The following ERBB4 variants were observed in gnomAD, a reference collection of about 807,000 sequenced individuals.
ERBB4 encodes erb-b2 receptor tyrosine kinase 4.
In ERBB4, 42 loss-of-function variants were observed where a neutral mutation model predicts 158.0. The observed-to-expected ratio is 0.27, with a 90% CI of 0.21 to 0.34. ERBB4 has a LOEUF of 0.34. Among genes scored for constraint, ERBB4 ranks in the 10% least tolerant of loss-of-function variants. ERBB4 has a pLI of 1.00. For missense variants in ERBB4, 1,333 were observed against 1,624.1 expected (o/e 0.82, Z 3.08); for synonymous variants, 583 against 558.7 (o/e 1.04, Z -0.61).
chr2:212,095,934 C>CAA (rs746751111), intron 2 of ERBB4, among the ~76,000 whole-genome samples: 1 of 53,054 alleles, frequency 1.9e-5, no homozygotes, highest in East Asian at 6.6e-4. Flanking sequence ...GACTCTGTCT[C>CAA]AAAAAAAAAA....
rs531374687 is a variant in ERBB4, at chr2:211,913,694, T to G, written c.421+33736A>C. On this transcript the variant is annotated intron_variant, in intron 3 of 27. Transcript: ENST00000342788. ...GTGTGTGTGTATGTGTATATATACA[T>G]AGAGAGAGAGAGCAATAAAATTTGG... Among the ~76,000 whole-genome samples the G allele has an allele frequency of 5.3e-3, 788 of 149,330 alleles. 10 individuals are homozygous for G. The highest frequency in any genetic ancestry group is 0.016 in the African/African-American group (640 of 40,602).
intron 2 of ERBB4, among the ~76,000 whole-genome samples, chr2:212,067,807 T>G (rs1472712089): frequency 6.6e-6 from 1 of 152,064 alleles, no homozygotes; most frequent in Non-Finnish European, 1.5e-5. Flanking sequence ...ACACTGTCTT[T>G]AAGATTTCAC....
chr2:212,431,265 A>T (rs2092020869), intron 1 of ERBB4, among the ~76,000 whole-genome samples: 1 of 139,912 alleles, frequency 7.1e-6, no homozygotes, highest in Non-Finnish European at 1.5e-5. Context: ...TCTTCATCTC[A>T]TCTCAGTTGA....
intron 1 of ERBB4, among the ~76,000 whole-genome samples, chr2:212,349,961 A>C (rs938431960): frequency 6.6e-6 from 1 of 152,166 alleles, no homozygotes; most frequent in African/African-American, 2.4e-5. Context: ...GTCCTTGAAA[A>C]AAACAACTTG....
At chr2:211,973,471 GA>G (rs1261324760) in intron 2 of ERBB4, among the ~76,000 whole-genome samples, 2 of 152,082 alleles carry the variant, frequency 1.3e-5, no homozygotes, top group Admixed American at 1.3e-4. Context: ...AAAGTGCTGG[GA>G]TTAAAGGCAT....
intron 1 of ERBB4, among the ~76,000 whole-genome samples, chr2:212,399,741 T>G (rs1421692803): frequency 2.8e-5 from 4 of 145,434 alleles, no homozygotes; most frequent in African/African-American, 2.5e-5. Context: ...CCTGCTGGCA[T>G]GGTGGCATGT....
chr2:212,246,292 A>G (rs946996595), intron 1 of ERBB4, among the ~76,000 whole-genome samples: 5 of 152,206 alleles, frequency 3.3e-5, no homozygotes, highest in Non-Finnish European at 5.9e-5. Context: ...AATTAATTGG[A>G]TTAATATTTC....
intron 27 of ERBB4, among the ~76,000 whole-genome samples, chr2:211,385,052 T>C (rs921960627): frequency 6.6e-6 from 1 of 152,134 alleles, no homozygotes; most frequent in Non-Finnish European, 1.5e-5. Flanking sequence ...CTATTTTGAA[T>C]TCAAGGCATG....
rs561231187 is a variant in ERBB4 at position 211,773,564 on chromosome 2, C to T, written c.556+14461G>A. On this transcript the variant is annotated intron_variant, in intron 4 of 27. Transcript: ENST00000342788. ...CTTCCAAGGAATAAATACTCTGTCA[C>T]TTTCAAGAAAGTAAGGATTATACTT... 3.6e-4 allele frequency among the ~76,000 whole-genome samples: 47 copies of T among 130,918 alleles called. 1 individual carries two copies. Among genetic ancestry groups the T allele is most frequent in the Middle Eastern group, 4.5e-3 (1 of 220 alleles). 85.9% of individuals were successfully genotyped at this position (130,918 alleles called of 152,430 possible).
intron 2 of ERBB4, among the ~76,000 whole-genome samples, chr2:212,099,200 T>C (rs2079015093): frequency 1.3e-5 from 2 of 150,738 alleles, no homozygotes; most frequent in South Asian, 2.1e-4. Context: ...ATAATAAAAA[T>C]AAATCATGCC....
At chr2:212,062,068 A>G (rs1274404238) in intron 2 of ERBB4, among the ~76,000 whole-genome samples, 2 of 152,140 alleles carry the variant, frequency 1.3e-5, no homozygotes, top group African/African-American at 2.4e-5. Flanking sequence ...AAAAAAATCT[A>G]TATCTGTCAA....
chr2:212,168,835 A>G (rs1433174113), intron 1 of ERBB4, among the ~76,000 whole-genome samples: 1 of 152,218 alleles, frequency 6.6e-6, no homozygotes, highest in Non-Finnish European at 1.5e-5. Context: ...GAATCTTTGT[A>G]AAGAATGATA....
intron 20 of ERBB4, among the ~76,000 whole-genome samples, chr2:211,546,530 T>G (rs2125693592): frequency 6.6e-6 from 1 of 152,220 alleles, no homozygotes; most frequent in African/African-American, 2.4e-5. Context: ...CTCAATGCCC[T>G]TTGGGGTTTA....
Position 211,376,895 on chromosome 2 carries a change from G to A in ERBB4, c.*6720C>T, listed in dbSNP as rs1185192564. 8.6e-6 allele frequency: 2 copies of A among 233,176 alleles called. No homozygotes were observed. Among genetic ancestry groups the A allele is most frequent in the Non-Finnish European group, 1.7e-5 (2 of 117,746 alleles). The allele number at this position is 233,176 out of a possible 1,614,324, so 14.4% of individuals were successfully genotyped here. A position where few individuals can be genotyped will look rare whatever the true frequency, so the allele number is the denominator to read the frequency against. ...CTCAACATGAGAAGGAGACACACCA[G>A]CCAGGGAGACAGGCATTCAAAGTTA... On this transcript the variant is annotated 3_prime_UTR_variant, in exon 28 of 28. Coordinates refer to ENST00000342788, the MANE Select transcript of ERBB4 (RefSeq NM_005235.3).
intron 2 of ERBB4, among the ~76,000 whole-genome samples, chr2:211,988,404 AT>A (rs2081990549): frequency 6.6e-6 from 1 of 152,158 alleles, no homozygotes; most frequent in African/African-American, 2.4e-5. Flanking sequence ...GTAAAATGAT[AT>A]AAGAAACATT....
At chr2:211,542,727 A>G (rs949114488) in intron 20 of ERBB4, among the ~76,000 whole-genome samples, 1 of 151,882 alleles carries the variant, frequency 6.6e-6, no homozygotes, top group African/African-American at 2.4e-5. Context: ...TATATTTAAA[A>G]TACAGATTTC....
At chr2:212,333,433 C>T (rs895330627) in intron 1 of ERBB4, among the ~76,000 whole-genome samples, 1 of 151,452 alleles carries the variant, frequency 6.6e-6, no homozygotes, top group African/African-American at 2.4e-5. Flanking sequence ...AATTTCAACA[C>T]TTTGGGAGGC....
chr2:212,002,631 C>G (rs2076132972), intron 2 of ERBB4, among the ~76,000 whole-genome samples: 1 of 152,028 alleles, frequency 6.6e-6, no homozygotes, highest in Non-Finnish European at 1.5e-5. Context: ...TCAAAAGAAA[C>G]TGATGATGAT....
intron 16 of ERBB4, among the ~76,000 whole-genome samples, chr2:211,651,243 A>C (rs752792999): frequency 6.6e-6 from 1 of 152,174 alleles, no homozygotes; most frequent in African/African-American, 2.4e-5. Context: ...ATGATAATAC[A>C]TTATTTGAAG....
Sources: gnomAD v4.1 joint callset for allele counts (sites outside exome capture counted in the v4.1 genomes callset) on GRCh38, gnomAD v4.1.1 for gene constraint, MANE v1.5 for transcripts, NCBI Gene and HGNC (gene_info 2026-07-23, HGNC 2026-07-21) for gene names.